SLC16A8: variants seen among roughly 807,000 people sequenced by gnomAD.
SLC16A8 encodes the protein monocarboxylate transporter 3.
SLC16A8 carries 20 observed loss-of-function variants against 22.4 expected under a neutral mutation model. That is an observed-to-expected ratio of 0.89 (90% confidence interval 0.63 to 1.30). The LOEUF is 1.30. Among genes scored for constraint, SLC16A8 ranks in the 50% most tolerant of loss-of-function variants. SLC16A8 has a pLI of 0.00. For synonymous variants in SLC16A8, 393 were observed against 358.8 expected, an observed-to-expected ratio of 1.10 and a Z score of -1.08; for missense variants, 817 against 740.3, an observed-to-expected ratio of 1.10 and a Z score of -1.20.
Position 38,081,583 on chromosome 22 carries a change from CCCGCCGCCGCCAGCCCGTTGGCCAGAGG to C in SLC16A8, c.427_454del (p.Pro143AlafsTer43), listed in dbSNP as rs1569210010. The C allele has an allele frequency of 2.0e-6, 3 of 1,512,836 alleles. No homozygotes were observed. Among genetic ancestry groups the C allele is most frequent in the South Asian group, 1.2e-5 (1 of 81,918 alleles). 93.7% of individuals were successfully genotyped at this position (1,512,836 alleles called of 1,614,324 possible). ...CAGCGCGGACAGGAACACGGGGCTG[CCCGCCGCCGCCAGCCCGTTGGCCAGAGG>C]CCGCCGCCGCTCGAAGTACAGCCCC... On this transcript the variant is annotated frameshift_variant, in exon 5 of 6. Transcript: ENST00000681075. LOFTEE classifies it high-confidence loss of function.
intron 3 of SLC16A8, 72 bp from the exon 4 acceptor site, chr22:38,082,104 G>T: frequency 6.8e-7 from 1 of 1,469,202 alleles, no homozygotes. Context: ...GGTCACCTCC[G>T]GCTCAGGGAC....
rs1295833390 is a variant in SLC16A8 at position 38,080,981 on chromosome 22, A to G, written c.1057T>C (p.Phe353Leu). The change falls in exon 5 of 6, where the codon TTC (phenylalanine) becomes CTC (leucine). Residue 353 changes from phenylalanine to leucine, a missense_variant. Phe to Leu is a conservative substitution (Grantham distance 22). Transcript: ENST00000681075. The stretch of plus-strand genomic sequence containing the variant: ...CCCACCATGCCGTAGGAGAGGCCGA[A>G]GGCGACGCAGAAGGCGACGAGGGCG... ...YGALVAFCVA[F>L]GLSYGMVGAL... The G allele has an allele frequency of 1.9e-6, 3 of 1,597,132 alleles. No individual in the cohort carries two copies. The highest frequency in any genetic ancestry group is 2.5e-6 in the Non-Finnish European group (3 of 1,176,728).
rs746658007 is a variant in SLC16A8 at position 38,081,079 on chromosome 22, G to T, written c.959C>A (p.Pro320Gln). Residue 320 changes from proline to glutamine, a missense_variant, in exon 5 of 6, where the codon CCG becomes CAG. Pro to Gln is a moderately conservative substitution (Grantham distance 76, BLOSUM62 -1). Coordinates refer to ENST00000681075, the MANE Select transcript of SLC16A8 (RefSeq NM_013356.3). ...CAGCAGGGCCAGGCTGAACAGATAC[G>T]GGACGTGCGGCCGCAGACGCGCCAG... ...AGLARLRPHV[P>Q]YLFSLALLAN... 6 of 1,569,132 alleles carry T rather than the reference G, an allele frequency of 3.8e-6. No individual in the cohort carries two copies. Among genetic ancestry groups the T allele is most frequent in the African/African-American group, 1.3e-5 (1 of 74,220 alleles).
chr22:38,082,445 G>T (rs1315447136), intron 3 of SLC16A8, among the ~76,000 whole-genome samples: 2 of 152,222 alleles, frequency 1.3e-5, no homozygotes, highest in Non-Finnish European at 2.9e-5. Context: ...GGGGCCCTCT[G>T]AGCTCGCAGG....
rs1412866158 is a variant in SLC16A8 at position 38,080,855 on chromosome 22, C to G, written c.1183G>C (p.Gly395Arg). The G allele has an allele frequency of 2.6e-6, 4 of 1,523,074 alleles. No individual in the cohort carries two copies. Among genetic ancestry groups the G allele is most frequent in the South Asian group, 1.2e-5 (1 of 81,402 alleles). 94.3% of individuals were successfully genotyped at this position (1,523,074 alleles called of 1,614,324 possible). A position where few individuals can be genotyped will look rare whatever the true frequency, so the allele number is the denominator to read the frequency against. The change falls in exon 5 of 6, where the codon GGA (glycine) becomes CGA (arginine). Residue 395 changes from glycine (G) to arginine (R), a missense_variant. Transcript: ENST00000681075. ...CGGGGCGCACCGGCAGAGGGCGGTC[C>G]GATGAGCACAGCCGCGGCCTCCACG... Reference protein sequence around the residue: ...LLVEAAAVLIGPPSAGRLVDV... With the variant: ...LLVEAAAVLIRPPSAGRLVDV...
rs557736523 is a variant in SLC16A8 at position 38,082,099 on chromosome 22, C to T, written c.215-67G>A. The T allele has an allele frequency of 4.6e-5, 69 of 1,485,988 alleles. 2 individuals carry two copies. The South Asian group carries it at 5.8e-4, about 13-fold the overall frequency. The allele number at this position is 1,485,988 out of a possible 1,614,324, so 92.1% of individuals were successfully genotyped here. A position where few individuals can be genotyped will look rare whatever the true frequency, so the allele number is the denominator to read the frequency against. On this transcript the variant is annotated intron_variant, in intron 3 of 5. Coordinates refer to ENST00000681075, the MANE Select transcript of SLC16A8 (RefSeq NM_013356.3). The stretch of plus-strand genomic sequence containing the variant: ...TTGAGTCCTCTAAGGAATAAGGTCA[C>T]CTCCGGCTCAGGGACACAGAGAGGA...
Position 38,081,262 on chromosome 22 carries a change from G to T in SLC16A8, c.776C>A (p.Thr259Asn), listed in dbSNP as rs1259926277. 6.3e-7 allele frequency: 1 copy of T among 1,586,390 alleles called. No homozygotes were observed. Among genetic ancestry groups the T allele is most frequent in the Admixed American group, 1.7e-5 (1 of 57,368 alleles). Reference sequence around the variant, plus strand: ...GAGCCCGAGCGCCATCAGGAACTTGGTGACGGCGTACACGGCGAAGGCGCG... The same window carrying T: ...GAGCCCGAGCGCCATCAGGAACTTGTTGACGGCGTACACGGCGAAGGCGCG... ...TDRAFAVYAV[T>N]KFLMALGLFV... The change falls in exon 5 of 6, where the codon ACC (threonine) becomes AAC (asparagine). Residue 259 changes from threonine to asparagine, a missense_variant. Coordinates refer to ENST00000681075, the MANE Select transcript of SLC16A8 (RefSeq NM_013356.3).
At chr22:38,080,538 C>T (rs1250802366) in intron 5 of SLC16A8, among the ~76,000 whole-genome samples, 5 of 152,210 alleles carry the variant, frequency 3.3e-5, no homozygotes, top group Non-Finnish European at 7.3e-5. Flanking sequence ...GCCTCAGTTT[C>T]CTCATCTGCA....
chr22:38,081,286 C>G lies in SLC16A8; in HGVS notation c.752G>C (p.Arg251Pro). The G allele has an allele frequency of 6.4e-7, 1 of 1,572,418 alleles. No individual in the cohort carries two copies. Among genetic ancestry groups the G allele is most frequent in the Non-Finnish European group, 8.6e-7 (1 of 1,158,872 alleles). The change falls in exon 5 of 6, where the codon CGC (arginine) becomes CCC (proline). Residue 251 changes from arginine to proline, a missense_variant. Physicochemically the swap from Arg to Pro is moderately radical, Grantham distance 103. Transcript: ENST00000681075. ...GGTGACGGCGTACACGGCGAAGGCG[C>G]GGTCGGTGCACACTGCCAAGTCCAG... ...RLLDLAVCTD[R>P]AFAVYAVTKF... is the part of the protein sequence containing the mutation.
rs777392668 is a variant in SLC16A8 at position 38,082,770 on chromosome 22, A to G, written c.104T>C (p.Phe35Ser). The G allele has an allele frequency of 1.9e-6, 3 of 1,596,144 alleles. No individual in the cohort carries two copies. Among genetic ancestry groups the G allele is most frequent in the Non-Finnish European group, 2.6e-6 (3 of 1,174,338 alleles). Residue 35 changes from phenylalanine to serine, a missense_variant, in exon 3 of 6, where the codon TTC (phenylalanine) becomes TCC (serine). Phe to Ser is a radical substitution (Grantham distance 155). Coordinates refer to ENST00000681075, the MANE Select transcript of SLC16A8 (RefSeq NM_013356.3). ...CFVVTGFAYG[F>S]PKAVSVFFRA... ...GAAGAAGACGCTCACGGCTTTGGGG[A>G]AGCCGTAGGCGAAGCCGGTGACCAC...
In SLC16A8 at chr22:38,078,719, G is replaced by C. The variant is rs1270772473; in HGVS notation, c.1199-15C>G. 6.3e-7 allele frequency: 1 copy of C among 1,598,276 alleles called. No homozygotes were observed. The highest frequency in any genetic ancestry group is 1.7e-5 in the Admixed American group (1 of 59,696). ...CACCAGGCGGCCTGGGGAGGAGGAG[G>C]AAGAGGAGGGAGAGGTAAGGTCCTG... On this transcript the variant is annotated splice_polypyrimidine_tract_variant and intron_variant, in intron 5 of 5. Coordinates refer to ENST00000681075, the MANE Select transcript of SLC16A8 (RefSeq NM_013356.3).
chr22:38,080,899 G>A lies in SLC16A8; in HGVS notation c.1139C>T (p.Ala380Val), dbSNP rs747379920. ...CTCCACGAGCAACACCAGGCCCAGC[G>A]CACTGGGGAAGCGGGGCGCGCCCAC... is the stretch of plus-strand genomic sequence containing the variant. ...AAVGAPRFPS[A>V]LGLVLLVEAA... The change falls in exon 5 of 6, where the codon GCG becomes GTG. Residue 380 changes from alanine to valine, a missense_variant. Transcript: ENST00000681075. 1 of 1,564,970 alleles carries A rather than the reference G, an allele frequency of 6.4e-7. No homozygotes were observed. Among genetic ancestry groups the A allele is most frequent in the Non-Finnish European group, 8.6e-7 (1 of 1,161,748 alleles).
Position 38,081,298 on chromosome 22 carries a change from A to G in SLC16A8, c.740T>C (p.Val247Ala). The G allele has an allele frequency of 6.4e-7, 1 of 1,557,822 alleles. No homozygotes were observed. Among genetic ancestry groups the G allele is most frequent in the Non-Finnish European group, 8.7e-7 (1 of 1,151,122 alleles). The change falls in exon 5 of 6, where the codon GTG (valine) becomes GCG (alanine). Residue 247 changes from valine (V) to alanine (A), a missense_variant. By Grantham distance (64) the Val-to-Ala change is moderately conservative (BLOSUM62 0). Coordinates refer to ENST00000681075, the MANE Select transcript of SLC16A8 (RefSeq NM_013356.3). ...CACGGCGAAGGCGCGGTCGGTGCAC[A>G]CTGCCAAGTCCAGCAGGCGCCGGCG... The part of the protein sequence containing the change: ...RPRRRLLDLA[V>A]CTDRAFAVYA...
chr22:38,082,176 C>G (rs890945157), intron 3 of SLC16A8, 144 bp from the exon 4 acceptor site: 2 of 1,032,630 alleles, frequency 1.9e-6, no homozygotes, highest in East Asian at 2.7e-5. Context: ...GCCAAAGAGA[C>G]AGCATCCTGC....
At chr22:38,081,738 G>A in intron 4 of SLC16A8, 59 bp from the exon 5 acceptor site, 45 of 1,458,390 alleles carry the variant, frequency 3.1e-5, no homozygotes, top group Non-Finnish European at 4.1e-5. Context: ...GGCCCCCACA[G>A]GAGGGAGGGG....
Position 38,082,778 on chromosome 22 carries a change from G to A in SLC16A8, c.96C>T (p.Ala32=). 6.3e-7 allele frequency: 1 copy of A among 1,596,372 alleles called. No individual in the cohort carries two copies. The highest frequency in any genetic ancestry group is 1.1e-5 in the South Asian group (1 of 89,258). Residue 32 remains alanine, a synonymous_variant, in exon 3 of 6, where the codon GCC becomes GCT. Coordinates refer to ENST00000681075, the MANE Select transcript of SLC16A8 (RefSeq NM_013356.3). ...LGACFVVTGF[A]YGFPKAVSVF... Reference sequence around the variant, plus strand: ...CGCTCACGGCTTTGGGGAAGCCGTAGGCGAAGCCGGTGACCACAAAGCAGG... The same window carrying A: ...CGCTCACGGCTTTGGGGAAGCCGTAAGCGAAGCCGGTGACCACAAAGCAGG...
At chr22:38,078,725 G>A in intron 5 of SLC16A8, 21 bp from the exon 6 acceptor site, 2 of 1,596,364 alleles carry the variant, frequency 1.3e-6, no homozygotes, top group Middle Eastern at 1.7e-4. Flanking sequence ...GGAGGAAGAG[G>A]AGGGAGAGGT....
Position 38,081,104 on chromosome 22 carries a change from G to GGCCCGCCAGGGCGCC in SLC16A8, c.919_933dup (p.Gly307_Gly311dup). The GGCCCGCCAGGGCGCC allele has an allele frequency of 6.5e-7, 1 of 1,549,154 alleles. No homozygotes were observed. The highest frequency in any genetic ancestry group is 8.7e-7 in the Non-Finnish European group (1 of 1,149,358). Reference sequence around the variant, plus strand: ...GGGACGTGCGGCCGCAGACGCGCCAGGCCCGCCAGGGCGCCGCACGCCGGG... The same window carrying GGCCCGCCAGGGCGCC: ...GGGACGTGCGGCCGCAGACGCGCCAGGCCCGCCAGGGCGCCGCCCGCCAGGGCGCCGCACGCCGGG... On this transcript the variant is annotated inframe_insertion, in exon 5 of 6. Transcript: ENST00000681075.
intron 1 of SLC16A8, 83 bp downstream of exon 1, chr22:38,083,904 GC>G (rs914351855): frequency 3.9e-5 from 6 of 152,256 alleles, no homozygotes; most frequent in Non-Finnish European, 7.3e-5. Flanking sequence ...GGCTTTTCCT[GC>G]CTGTTGTCCT....
Sources: allele counts gnomAD v4.1 joint callset (sites outside exome capture counted in the v4.1 genomes callset), GRCh38; gene constraint gnomAD v4.1.1; transcripts MANE v1.5; gene names NCBI Gene and HGNC (gene_info 2026-07-23, HGNC 2026-07-21).